NPAT: variants seen among roughly 807,000 people sequenced by gnomAD.
NPAT encodes the protein protein NPAT.
Under a neutral mutation model 130.7 loss-of-function variants are expected in NPAT, and 52 were observed. The observed-to-expected ratio is 0.40, with a 90% CI of 0.32 to 0.50. NPAT has a LOEUF of 0.50. NPAT is among the 20% of genes least tolerant of loss of function. NPAT has a pLI of 0.68. For synonymous variants in NPAT, 580 were observed against 584.8 expected (o/e 0.99, Z 0.12); for missense variants, 1,687 against 1,662.6 (o/e 1.01, Z -0.26).
intron 1 of NPAT, among the ~76,000 whole-genome samples, chr11:108,214,914 T>C (rs1160299470): frequency 6.6e-6 from 1 of 152,214 alleles, no homozygotes; most frequent in East Asian, 1.9e-4. Context: ...ATTACACGCG[T>C]GAGCCACTGC....
intron 17 of NPAT, 80 bp downstream of exon 17, chr11:108,160,800 G>A (rs1024207643): frequency 7.8e-7 from 1 of 1,274,976 alleles, no homozygotes; most frequent in African/African-American, 1.5e-5. Flanking sequence ...TCAAGTTGTT[G>A]TGGCAAGAAC....
chr11:108,203,543 T>G (rs2078295294), intron 1 of NPAT, among the ~76,000 whole-genome samples: 1 of 152,154 alleles, frequency 6.6e-6, no homozygotes, highest in Non-Finnish European at 1.5e-5. Context: ...GAAGTACCAG[T>G]GTGAAAAAAT....
At chr11:108,222,033 T>TATA (rs2078514137) in intron 1 of NPAT, among the ~76,000 whole-genome samples, 1 of 152,086 alleles carries the variant, frequency 6.6e-6, no homozygotes, top group Non-Finnish European at 1.5e-5. Flanking sequence ...AAATTCGTAG[T>TATA]TATAAGGGCG....
At chr11:108,214,492 G>A (rs544767816) in intron 1 of NPAT, among the ~76,000 whole-genome samples, 4 of 152,224 alleles carry the variant, frequency 2.6e-5, no homozygotes, top group African/African-American at 4.8e-5. Context: ...TCTCTTTGGA[G>A]TGATGGAAAT....
chr11:108,187,885 A>G lies in NPAT; in HGVS notation c.638+213T>C, dbSNP rs572715017. 4.6e-5 allele frequency among the ~76,000 whole-genome samples: 7 copies of G among 152,300 alleles called. No individual in the cohort carries two copies. The East Asian group carries it at 1.3e-3, about 29-fold the overall frequency. On this transcript the variant is annotated intron_variant, in intron 7 of 17. Coordinates refer to ENST00000278612, the MANE Select transcript of NPAT (RefSeq NM_002519.3). ...CCATTACAGAATAAACATATTTCCC[A>G]TGAAACAGTGATATGCCATTAATTG...
At chr11:108,219,056 C>T (rs2078459648) in intron 1 of NPAT, among the ~76,000 whole-genome samples, 1 of 152,164 alleles carries the variant, frequency 6.6e-6, no homozygotes, top group South Asian at 2.1e-4. Context: ...TGACCTCAAA[C>T]ACGTTCTTGA....
At chr11:108,180,193 G>A (rs2078046465) in intron 10 of NPAT, among the ~76,000 whole-genome samples, 1 of 152,088 alleles carries the variant, frequency 6.6e-6, no homozygotes, top group African/African-American at 2.4e-5. Flanking sequence ...CAGGCATGGT[G>A]ACACACACCT....
In NPAT at chr11:108,189,187, G is replaced by A. The variant is rs553229900; in HGVS notation, c.475C>T (p.Arg159Ter). 4 of 1,614,154 alleles carry A rather than the reference G, an allele frequency of 2.5e-6. No homozygotes were observed. The highest frequency in any genetic ancestry group is 2.2e-5 in the East Asian group (1 of 44,876). ...TPPSTGTQVT[R>*]PSGQISDPSR... ...GGATCTGAAATTTGGCCACTTGGTC[G>A]AGTAACCTGTGTACCTGTGGAAGGA... The change falls in exon 6 of 18, where the codon CGA (arginine) becomes TGA (stop). Residue 159 changes from arginine to a stop codon, truncating the protein, a stop_gained. Coordinates refer to ENST00000278612, the MANE Select transcript of NPAT (RefSeq NM_002519.3). LOFTEE classifies it high-confidence loss of function.
chr11:108,172,672 A>G lies in NPAT; in HGVS notation c.2312T>C (p.Ile771Thr), dbSNP rs1351462511. ...TGATTTAGTAGGAGAAGACAAGATTATAGTTGGCAGGTTTTCTCCATTAAT... is the reference window on the plus strand; with the variant it reads ...TGATTTAGTAGGAGAAGACAAGATTGTAGTTGGCAGGTTTTCTCCATTAAT... ...SSINGENLPTIILSSPTKSPT... is the reference protein window; with the variant it reads ...SSINGENLPTTILSSPTKSPT... Residue 771 changes from isoleucine to threonine, a missense_variant, in exon 13 of 18, where the codon ATA becomes ACA. By Grantham distance (89) the Ile-to-Thr change is moderately conservative. This residue lies in a region of NPAT where 1,379 missense variants were observed against 1,346.6 expected (regional missense o/e 1.02). Transcript: ENST00000278612. 2 of 1,613,910 alleles carry G rather than the reference A, an allele frequency of 1.2e-6. No homozygotes were observed. The highest frequency in any genetic ancestry group is 2.7e-5 in the African/African-American group (2 of 74,942).
intron 2 of NPAT, among the ~76,000 whole-genome samples, chr11:108,195,157 G>T (rs905390028): frequency 6.6e-6 from 1 of 152,174 alleles, no homozygotes; most frequent in Non-Finnish European, 1.5e-5. Context: ...GCAAACACCA[G>T]TGTCTAGGTT....
In NPAT at chr11:108,161,106, C is replaced by T. The variant is rs1055603946; in HGVS notation, c.3980G>A (p.Ser1327Asn). 2 of 1,614,200 alleles carry T rather than the reference C, an allele frequency of 1.2e-6. No homozygotes were observed. The highest frequency in any genetic ancestry group is 1.7e-6 in the Non-Finnish European group (2 of 1,180,040). Residue 1327 changes from serine (S) to asparagine (N), a missense_variant, in exon 17 of 18, where the codon AGT (serine) becomes AAT (asparagine). This residue lies in a region of NPAT where 1,379 missense variants were observed against 1,346.6 expected (regional missense o/e 1.02). Transcript: ENST00000278612. The stretch of plus-strand genomic sequence containing the variant: ...TAATGTGTGGGCAGCCATATTTACA[C>T]TGTTTTCACTTCCTGTTTCACTGGC... ...SPASETGSEN[S>N]VNMAAHTLMI...
Position 108,172,247 on chromosome 11 carries a change from T to C in NPAT, c.2737A>G (p.Asn913Asp), listed in dbSNP as rs1388990262. ...PPQLQTPPRS[N>D]SVFAVNQAVS... ...GCTTGGTTGACAGCAAATACACTGT[T>C]TGACCTTGGTGGTGTCTGTAACTGA... is the stretch of plus-strand genomic sequence containing the variant. Residue 913 changes from asparagine to aspartate, a missense_variant, in exon 13 of 18, where the codon AAC becomes GAC. By Grantham distance (23) the Asn-to-Asp change is conservative (BLOSUM62 1). Coordinates refer to ENST00000278612, the MANE Select transcript of NPAT (RefSeq NM_002519.3). 5 of 1,613,874 alleles carry C rather than the reference T, an allele frequency of 3.1e-6. No homozygotes were observed. The highest frequency in any genetic ancestry group is 1.1e-5 in the South Asian group (1 of 91,076).
intron 10 of NPAT, among the ~76,000 whole-genome samples, chr11:108,182,496 A>G (rs1470759177): frequency 1.3e-5 from 2 of 152,138 alleles, no homozygotes. Flanking sequence ...CTGTTATTTA[A>G]ATCTTTTCTT....
intron 1 of NPAT, among the ~76,000 whole-genome samples, chr11:108,202,058 C>G (rs781166399): frequency 6.6e-6 from 1 of 152,140 alleles, no homozygotes. Flanking sequence ...GATCAACTAG[C>G]TGAGGTAACT....
intron 1 of NPAT, chr11:108,208,527 G>A (rs2078351008): frequency 6.6e-6 from 3 of 453,142 alleles, no homozygotes; most frequent in Admixed American, 2.4e-5. Context: ...GGTCGAGGCT[G>A]CAGCGAACCA....
chr11:108,214,850 C>T (rs774683485), intron 1 of NPAT, among the ~76,000 whole-genome samples: 1 of 152,170 alleles, frequency 6.6e-6, no homozygotes, highest in Non-Finnish European at 1.5e-5. Context: ...CCAGGCTGGT[C>T]TGGAACTCCT....
rs554123080 is a variant in NPAT at position 108,172,857 on chromosome 11, T to C, written c.2127A>G (p.Ser709=). 43 of 1,614,054 alleles carry C rather than the reference T, an allele frequency of 2.7e-5. No individual in the cohort carries two copies. The highest frequency in any genetic ancestry group is 3.3e-5 in the Admixed American group (2 of 60,018). The part of the protein sequence containing the change: ...HSLPPESVCS[S]VGDSHPESQN... ...GGGACTCAGGGTGAGAATCTCCCAC[T>C]GAAGAACACACAGATTCTGGAGGAA... Residue 709 remains serine, a synonymous_variant, in exon 13 of 18, where the codon TCA becomes TCG. Coordinates refer to ENST00000278612, the MANE Select transcript of NPAT (RefSeq NM_002519.3).
intron 7 of NPAT, among the ~76,000 whole-genome samples, chr11:108,187,295 T>C (rs1177193295): frequency 1.3e-5 from 2 of 151,934 alleles, no homozygotes; most frequent in Non-Finnish European, 2.9e-5. Context: ...CTACAAAAAA[T>C]AAAAAAATTA....
chr11:108,160,824 A>T (rs778620683), intron 17 of NPAT, 56 bp downstream of exon 17: 9 of 1,488,344 alleles, frequency 6.0e-6, no homozygotes, highest in African/African-American at 1.4e-5. Flanking sequence ...TGAATTCGCT[A>T]ATCACTAAAG....
Sources: allele counts gnomAD v4.1 joint callset (sites outside exome capture counted in the v4.1 genomes callset), GRCh38; gene constraint gnomAD v4.1.1; regional missense constraint gnomAD v4.1.1; transcripts MANE v1.5; gene names NCBI Gene and HGNC (gene_info 2026-07-23, HGNC 2026-07-21).